GDF11: variants seen among roughly 807,000 people sequenced by gnomAD.
GDF11 encodes growth/differentiation factor 11.
GDF11 carries 12 observed loss-of-function variants against 34.4 expected under a neutral mutation model. The ratio of observed to expected loss-of-function variants is 0.35; its 90% CI spans 0.22 to 0.57. The LOEUF (loss-of-function observed/expected upper bound fraction) is 0.57, where lower values mean the gene tolerates loss of function less well. Among genes scored for constraint, GDF11 ranks in the 20% least tolerant of loss-of-function variants. The probability of loss-of-function intolerance (pLI) is 0.86; values close to 1 mark genes in which losing one functional copy is unlikely to be tolerated. For missense variants in GDF11, 346 were observed against 548.2 expected (o/e 0.63, Z 3.68); for synonymous variants, 212 against 231.1 (o/e 0.92, Z 0.75).
rs1878404882 is a variant in GDF11 at position 55,753,611 on chromosome 12, A to T, written c.*3729A>T. On this transcript the variant is annotated 3_prime_UTR_variant, in exon 3 of 3. Coordinates refer to ENST00000257868, the MANE Select transcript of GDF11 (RefSeq NM_005811.5). The stretch of plus-strand genomic sequence containing the variant: ...ATTGTGAAACCTCATCTCTACTAAA[A>T]TACCCAAAATTAGCCGGGCGTGGTG... The T allele has an allele frequency of 6.6e-6, 1 of 152,046 alleles. No individual in the cohort carries two copies. Among genetic ancestry groups the T allele is most frequent in the Non-Finnish European group, 1.5e-5 (1 of 68,040 alleles). 9.4% of individuals were successfully genotyped at this position (152,046 alleles called of 1,614,324 possible).
chr12:55,744,554 G>A (rs1878138549), intron 1 of GDF11, among the ~76,000 whole-genome samples: 1 of 152,032 alleles, frequency 6.6e-6, no homozygotes, highest in South Asian at 2.1e-4. Context: ...CCAGGCATCC[G>A]AGCCCCTGAC....
Position 55,748,806 on chromosome 12 carries a change from C to T in GDF11, c.666C>T (p.Arg222=), listed in dbSNP as rs1343484556. 1 of 1,614,058 alleles carries T rather than the reference C, an allele frequency of 6.2e-7. No homozygotes were observed. The highest frequency in any genetic ancestry group is 8.5e-7 in the Non-Finnish European group (1 of 1,180,048). Residue 222 remains arginine, a synonymous_variant, in exon 2 of 3, where the codon CGC becomes CGT. Transcript: ENST00000257868. The surrounding 1 kb of genome is among the most constrained non-coding windows in gnomAD (Gnocchi z 5.6). The part of the protein sequence containing the change: ...GGGGRRHIRI[R]SLKIELHSRS... ...GAGGCCGGCGTCACATCCGTATCCG[C>T]TCACTGAAGATTGAGCTGCACTCAC...
Position 55,743,280 on chromosome 12 carries a change from T to A in GDF11, c.-37T>A. ...GCCCCCTCCCCGCGGGACTCCGGCGTCCCCGCCCCCCAGTCCTCCCTCCCC... is the reference window on the plus strand; with the variant it reads ...GCCCCCTCCCCGCGGGACTCCGGCGACCCCGCCCCCCAGTCCTCCCTCCCC... On this transcript the variant is annotated 5_prime_UTR_variant, in exon 1 of 3. Coordinates refer to ENST00000257868, the MANE Select transcript of GDF11 (RefSeq NM_005811.5). 2 of 741,502 alleles carry A rather than the reference T, an allele frequency of 2.7e-6. No individual in the cohort carries two copies. Among genetic ancestry groups the A allele is most frequent in the Non-Finnish European group, 3.3e-6 (2 of 611,564 alleles). The allele number at this position is 741,502 out of a possible 1,614,324, so 45.9% of individuals were successfully genotyped here.
At position 55,752,840 on chromosome 12, in the gene GDF11, C is replaced by A. The variant is rs1201715789; in HGVS notation, c.*2958C>A. The A allele has an allele frequency of 2.0e-5, 3 of 151,658 alleles. No individual in the cohort carries two copies. The highest frequency in any genetic ancestry group is 4.4e-5 in the Non-Finnish European group (3 of 67,946). The allele number at this position is 151,658 out of a possible 1,614,324, so 9.4% of individuals were successfully genotyped here. A position where few individuals can be genotyped will look rare whatever the true frequency, so the allele number is the denominator to read the frequency against. On this transcript the variant is annotated 3_prime_UTR_variant, in exon 3 of 3. Coordinates refer to ENST00000257868, the MANE Select transcript of GDF11 (RefSeq NM_005811.5). Reference sequence around the variant, plus strand: ...CACATGACACAATCCAGCACTTGAACCTGAAAAAAAAAATAAAAGCGGTCA... The same window carrying A: ...CACATGACACAATCCAGCACTTGAAACTGAAAAAAAAAATAAAAGCGGTCA...
Position 55,748,055 on chromosome 12 carries a change from T to C in GDF11, c.446-531T>C, listed in dbSNP as rs1878221011. ...TAGATCTGAATTCTGGTTTACATAA[T>C]GGGATAAATTTAGCTCATGCTCCCT... On this transcript the variant is annotated intron_variant, in intron 1 of 2. Transcript: ENST00000257868. The surrounding 1 kb of genome is among the most constrained non-coding windows in gnomAD (Gnocchi z 5.6). 6.6e-6 allele frequency among the ~76,000 whole-genome samples: 1 copy of C among 152,188 alleles called. No individual in the cohort carries two copies. The highest frequency in any genetic ancestry group is 2.4e-5 in the African/African-American group (1 of 41,452).
In GDF11 at chr12:55,749,971, A is replaced by C; in HGVS notation, c.*89A>C. ...CCCCCCAAGCCCTAGAGCTCCCTCC[A>C]CTCTTCCCGCGAACATCACACCGTT... On this transcript the variant is annotated 3_prime_UTR_variant, in exon 3 of 3. Coordinates refer to ENST00000257868, the MANE Select transcript of GDF11 (RefSeq NM_005811.5). This position sits in a 1 kb window ranked among gnomAD's most constrained non-coding sequence, Gnocchi z 5.6. 2 of 1,110,340 alleles carry C rather than the reference A, an allele frequency of 1.8e-6. No homozygotes were observed. Among genetic ancestry groups the C allele is most frequent in the Non-Finnish European group, 2.6e-6 (2 of 771,722 alleles). 68.8% of individuals were successfully genotyped at this position (1,110,340 alleles called of 1,614,324 possible).
chr12:55,745,339 C>A (rs928079751), intron 1 of GDF11, among the ~76,000 whole-genome samples: 7 of 151,966 alleles, frequency 4.6e-5, no homozygotes, highest in African/African-American at 1.7e-4. Context: ...AACCAACAGG[C>A]CTGAGCCCAC....
rs1878343146 is a variant in GDF11 at position 55,752,201 on chromosome 12, C to G, written c.*2319C>G. 1 of 152,178 alleles carries G rather than the reference C, an allele frequency of 6.6e-6. No individual in the cohort carries two copies. The highest frequency in any genetic ancestry group is 2.1e-4 in the South Asian group (1 of 4,824). The allele number at this position is 152,178 out of a possible 1,614,324, so 9.4% of individuals were successfully genotyped here. Reference sequence around the variant, plus strand: ...AGGAAAGGAACAGAGAAGTGAAGAACAGATACCTCCCTCCAAGGTCAAATG... The same window carrying G: ...AGGAAAGGAACAGAGAAGTGAAGAAGAGATACCTCCCTCCAAGGTCAAATG... On this transcript the variant is annotated 3_prime_UTR_variant, in exon 3 of 3. Transcript: ENST00000257868.
In GDF11 at chr12:55,754,963, A is replaced by G. The variant is rs945129256; in HGVS notation, c.*5081A>G. On this transcript the variant is annotated 3_prime_UTR_variant, in exon 3 of 3. Transcript: ENST00000257868. The stretch of plus-strand genomic sequence containing the variant: ...TACAGGAATAACATAAGGGAAAGAG[A>G]TAACAAGAAAGTTAGGGACACCTTG... 5 of 152,314 alleles carry G rather than the reference A, an allele frequency of 3.3e-5. No individual in the cohort carries two copies. The highest frequency in any genetic ancestry group is 2.6e-4 in the Admixed American group (4 of 15,300). The allele number at this position is 152,314 out of a possible 1,614,324, so 9.4% of individuals were successfully genotyped here. A position where few individuals can be genotyped will look rare whatever the true frequency, so the allele number is the denominator to read the frequency against.
rs1018504895 is a variant in GDF11, at chr12:55,754,674, A to G, written c.*4792A>G. 1.4e-4 allele frequency: 21 copies of G among 152,266 alleles called. No homozygotes were observed. Among genetic ancestry groups the G allele is most frequent in the African/African-American group, 5.1e-4 (21 of 41,476 alleles). The allele number at this position is 152,266 out of a possible 1,614,324, so 9.4% of individuals were successfully genotyped here. A position where few individuals can be genotyped will look rare whatever the true frequency, so the allele number is the denominator to read the frequency against. On this transcript the variant is annotated 3_prime_UTR_variant, in exon 3 of 3. Coordinates refer to ENST00000257868, the MANE Select transcript of GDF11 (RefSeq NM_005811.5). Reference sequence around the variant, plus strand: ...TTCCACAGTACCCTGATCACCCAGTAAAAGCTAATATTTATTGAATAATTA... The same window carrying G: ...TTCCACAGTACCCTGATCACCCAGTGAAAGCTAATATTTATTGAATAATTA...
Position 55,752,115 on chromosome 12 carries a change from C to G in GDF11, c.*2233C>G, listed in dbSNP as rs991318699. On this transcript the variant is annotated 3_prime_UTR_variant, in exon 3 of 3. Transcript: ENST00000257868. ...GCCCTGTTCTTCATCCTTCCTTCTG[C>G]CCCAATCCTGAAGGACAAGACACAC... is the stretch of plus-strand genomic sequence containing the variant. 1 of 152,264 alleles carries G rather than the reference C, an allele frequency of 6.6e-6. No homozygotes were observed. Among genetic ancestry groups the G allele is most frequent in the Non-Finnish European group, 1.5e-5 (1 of 68,122 alleles). The allele number at this position is 152,264 out of a possible 1,614,324, so 9.4% of individuals were successfully genotyped here.
In GDF11 at chr12:55,753,012, C is replaced by CT. The variant is rs750749499; in HGVS notation, c.*3131dup. 4 of 152,198 alleles carry CT rather than the reference C, an allele frequency of 2.6e-5. No homozygotes were observed. The highest frequency in any genetic ancestry group is 5.9e-5 in the Non-Finnish European group (4 of 68,048). 9.4% of individuals were successfully genotyped at this position (152,198 alleles called of 1,614,324 possible). A position where few individuals can be genotyped will look rare whatever the true frequency, so the allele number is the denominator to read the frequency against. Reference sequence around the variant, plus strand: ...GGGTCCTGGAGCAAGACAGAAAACACTAAGGGCATGGTGGTATAAGGTTTG... The same window carrying CT: ...GGGTCCTGGAGCAAGACAGAAAACACTTAAGGGCATGGTGGTATAAGGTTTG... On this transcript the variant is annotated 3_prime_UTR_variant, in exon 3 of 3. Coordinates refer to ENST00000257868, the MANE Select transcript of GDF11 (RefSeq NM_005811.5).
rs1565665818 is a variant in GDF11 at position 55,748,994 on chromosome 12, G to GC, written c.843+11_843+12insC. The GC allele has an allele frequency of 1.3e-6, 2 of 1,587,672 alleles. No individual in the cohort carries two copies. The highest frequency in any genetic ancestry group is 2.2e-5 in the South Asian group (2 of 89,072). On this transcript the variant is annotated intron_variant, in intron 2 of 2. Coordinates refer to ENST00000257868, the MANE Select transcript of GDF11 (RefSeq NM_005811.5). This position sits in a 1 kb window ranked among gnomAD's most constrained non-coding sequence, Gnocchi z 5.6. ...GGAGCCGAGGGGCTGGTGAGCAGGG[G>GC]GCCTGAGGTGGTGGATATGTGTAAC...
At chr12:55,746,971 C>T (rs575403152) in intron 1 of GDF11, among the ~76,000 whole-genome samples, 14 of 152,292 alleles carry the variant, frequency 9.2e-5, no homozygotes, top group Non-Finnish European at 1.8e-4. Flanking sequence ...TTATTGAGTG[C>T]TGTCTAGCAC....
chr12:55,756,692 C>T lies in GDF11; in HGVS notation c.*6810C>T, dbSNP rs1057443729. 1 of 152,216 alleles carries T rather than the reference C, an allele frequency of 6.6e-6. No individual in the cohort carries two copies. The highest frequency in any genetic ancestry group is 1.5e-5 in the Non-Finnish European group (1 of 68,030). 9.4% of individuals were successfully genotyped at this position (152,216 alleles called of 1,614,324 possible). A position where few individuals can be genotyped will look rare whatever the true frequency, so the allele number is the denominator to read the frequency against. ...CATGAACTTGAAGCCTCCAGTTCCA[C>T]TGCTTATGTTCCCAATGATTTAGCT... On this transcript the variant is annotated 3_prime_UTR_variant, in exon 3 of 3. Transcript: ENST00000257868.
In GDF11 at chr12:55,743,191, T is replaced by G. The variant is rs1236219851; in HGVS notation, c.-126T>G. 2 of 99,720 alleles carry G rather than the reference T, an allele frequency of 2.0e-5. No homozygotes were observed. The highest frequency in any genetic ancestry group is 1.9e-5 in the Non-Finnish European group (1 of 52,386). The allele number at this position is 99,720 out of a possible 1,614,324, so 6.2% of individuals were successfully genotyped here. On this transcript the variant is annotated 5_prime_UTR_variant, in exon 1 of 3. Coordinates refer to ENST00000257868, the MANE Select transcript of GDF11 (RefSeq NM_005811.5). Reference sequence around the variant, plus strand: ...CGCCCCCGGCCCCCCGGGTCCCCCCTCGGCCGGGCAGCCCCCAATCCCGCG... The same window carrying G: ...CGCCCCCGGCCCCCCGGGTCCCCCCGCGGCCGGGCAGCCCCCAATCCCGCG...
rs1878447583 is a variant in GDF11 at position 55,754,663 on chromosome 12, G to A, written c.*4781G>A. The A allele has an allele frequency of 6.6e-6, 1 of 152,200 alleles. No individual in the cohort carries two copies. Among genetic ancestry groups the A allele is most frequent in the Non-Finnish European group, 1.5e-5 (1 of 68,042 alleles). 9.4% of individuals were successfully genotyped at this position (152,200 alleles called of 1,614,324 possible). On this transcript the variant is annotated 3_prime_UTR_variant, in exon 3 of 3. Coordinates refer to ENST00000257868, the MANE Select transcript of GDF11 (RefSeq NM_005811.5). ...GAAATATGTATTTCCACAGTACCCT[G>A]ATCACCCAGTAAAAGCTAATATTTA... is the stretch of plus-strand genomic sequence containing the variant.
At chr12:55,745,686 G>A (rs1170090342) in intron 1 of GDF11, among the ~76,000 whole-genome samples, 5 of 151,914 alleles carry the variant, frequency 3.3e-5, no homozygotes, top group Non-Finnish European at 7.4e-5. Flanking sequence ...TGCTAATCGG[G>A]GGAGGTGTTT....
chr12:55,744,716 A>G lies in GDF11; in HGVS notation c.445+955A>G, dbSNP rs1189415207. Among the ~76,000 whole-genome samples the G allele has an allele frequency of 2.9e-5, 4 of 139,698 alleles. No individual in the cohort carries two copies. In the South Asian group the frequency reaches 1.0e-3, roughly 35 times the overall value. 91.6% of individuals were successfully genotyped at this position (139,698 alleles called of 152,430 possible). ...CCACTGAGGTCTCCCCCCCTCCCCAACTACAGGGAACCAGGCCTCTCTTAT... is the reference window on the plus strand; with the variant it reads ...CCACTGAGGTCTCCCCCCCTCCCCAGCTACAGGGAACCAGGCCTCTCTTAT... On this transcript the variant is annotated intron_variant, in intron 1 of 2. Coordinates refer to ENST00000257868, the MANE Select transcript of GDF11 (RefSeq NM_005811.5).
Sources: allele counts gnomAD v4.1 joint callset (sites outside exome capture counted in the v4.1 genomes callset), GRCh38; gene constraint gnomAD v4.1.1; non-coding constraint Gnocchi (gnomAD v3.1); transcripts MANE v1.5; gene names NCBI Gene and HGNC (gene_info 2026-07-23, HGNC 2026-07-21).